GALNTL6: variants seen among roughly 807,000 people sequenced by gnomAD.
GALNTL6 encodes the protein polypeptide N-acetylgalactosaminyltransferase like 6.
In GALNTL6, 46 loss-of-function variants were observed where a neutral mutation model predicts 73.7. That is an observed-to-expected ratio of 0.62 (90% CI 0.49 to 0.80). The LOEUF (loss-of-function observed/expected upper bound fraction) is 0.80. Among genes scored for constraint, GALNTL6 ranks in the 30% least tolerant of loss-of-function variants. The pLI is 0.00. For missense variants in GALNTL6, 604 were observed against 755.0 expected (o/e 0.80, Z 2.34); for synonymous variants, 259 against 263.7 (o/e 0.98, Z 0.17).
intron 2 of GALNTL6, among the ~76,000 whole-genome samples, chr4:171,973,167 T>A (rs1003890914): frequency 1.3e-5 from 2 of 152,184 alleles, no homozygotes; most frequent in Non-Finnish European, 2.9e-5. Flanking sequence ...AAGTGTCAGA[T>A]ATAGTGTTTC....
At chr4:172,869,511 T>C (rs1441400248) in intron 7 of GALNTL6, among the ~76,000 whole-genome samples, 1 of 152,108 alleles carries the variant, frequency 6.6e-6, no homozygotes, top group Admixed American at 6.6e-5. Context: ...AGGTGGGATT[T>C]CTCCACGAGA....
rs1161973873 is a variant in GALNTL6, at chr4:172,071,428, ACC to A, written c.139-158225_139-158224del. Among the ~76,000 whole-genome samples the A allele has an allele frequency of 1.8e-5, 2 of 109,440 alleles. 1 individual carries two copies. The highest frequency in any genetic ancestry group is 4.1e-5 in the Non-Finnish European group (2 of 49,182). The allele number at this position is 109,440 out of a possible 152,430, so 71.8% of individuals were successfully genotyped here. The stretch of plus-strand genomic sequence containing the variant: ...GTTATTAAAACATTATCCTGTCAGA[ACC>A]CCTGTGTCTTACGTTAGCTTGTCTC... On this transcript the variant is annotated intron_variant, in intron 2 of 12. Coordinates refer to ENST00000506823, the MANE Select transcript of GALNTL6 (RefSeq NM_001034845.3).
chr4:172,629,898 A>G (rs1392565146), intron 5 of GALNTL6, among the ~76,000 whole-genome samples: 1 of 152,216 alleles, frequency 6.6e-6, no homozygotes, highest in African/African-American at 2.4e-5. Flanking sequence ...TGCTTGTCAC[A>G]TTAAGAGATC....
chr4:172,927,668 A>G (rs889691856), intron 8 of GALNTL6, among the ~76,000 whole-genome samples: 1 of 152,154 alleles, frequency 6.6e-6, no homozygotes, highest in African/African-American at 2.4e-5. Flanking sequence ...GTTGGTCATC[A>G]GTTAAAACCC....
intron 5 of GALNTL6, among the ~76,000 whole-genome samples, chr4:172,589,806 A>G (rs1312209568): frequency 6.6e-6 from 1 of 152,158 alleles, no homozygotes. Context: ...TTAACTCTGA[A>G]TGACTGTGTG....
chr4:172,860,159 C>G (rs1046868778), intron 7 of GALNTL6, among the ~76,000 whole-genome samples: 1 of 152,104 alleles, frequency 6.6e-6, no homozygotes, highest in African/African-American at 2.4e-5. Context: ...GTGTTTTATG[C>G]TTTATAGGTT....
At chr4:172,606,745 A>G (rs552473746) in intron 5 of GALNTL6, among the ~76,000 whole-genome samples, 6 of 146,316 alleles carry the variant, frequency 4.1e-5, no homozygotes, top group African/African-American at 1.5e-4. Context: ...TGCAGTAGTG[A>G]AGAATGGTGA....
At chr4:171,821,092 G>T (rs913561523) in intron 2 of GALNTL6, among the ~76,000 whole-genome samples, 1 of 152,074 alleles carries the variant, frequency 6.6e-6, no homozygotes. Flanking sequence ...CTAGAGTGCA[G>T]TGGTGCAACT....
intron 7 of GALNTL6, among the ~76,000 whole-genome samples, chr4:172,861,954 T>A (rs1165133864): frequency 6.6e-6 from 1 of 152,138 alleles, no homozygotes; most frequent in Non-Finnish European, 1.5e-5. Context: ...ATATAGTAAA[T>A]TGGTACCGAT....
chr4:172,930,883 G>A (rs1748295383), intron 8 of GALNTL6, among the ~76,000 whole-genome samples: 2 of 152,016 alleles, frequency 1.3e-5, no homozygotes, highest in Admixed American at 6.6e-5. Context: ...CAGGCTGGTC[G>A]TGACCACCTG....
At chr4:173,029,810 C>T (rs1373950285) in intron 12 of GALNTL6, among the ~76,000 whole-genome samples, 1 of 152,184 alleles carries the variant, frequency 6.6e-6, no homozygotes, top group Non-Finnish European at 1.5e-5. Flanking sequence ...ATTATCCCAA[C>T]CTGGATTTAA....
chr4:172,745,357 A>T (rs1737047800), intron 5 of GALNTL6, among the ~76,000 whole-genome samples: 1 of 151,742 alleles, frequency 6.6e-6, no homozygotes, highest in Non-Finnish European at 1.5e-5. Context: ...TATGTTATAC[A>T]TTATGTTATT....
intron 2 of GALNTL6, among the ~76,000 whole-genome samples, chr4:172,108,147 T>A (rs1431312295): frequency 6.6e-6 from 1 of 152,270 alleles, no homozygotes; most frequent in Non-Finnish European, 1.5e-5. Flanking sequence ...TTACAAACTT[T>A]ACTTTAGATA....
intron 5 of GALNTL6, among the ~76,000 whole-genome samples, chr4:172,425,682 T>C (rs1731203575): frequency 6.6e-6 from 1 of 152,020 alleles, no homozygotes; most frequent in African/African-American, 2.4e-5. Flanking sequence ...TGAAAATTGG[T>C]ATGGCAAATA....
At chr4:171,960,399 C>G (rs1050776393) in intron 2 of GALNTL6, among the ~76,000 whole-genome samples, 1 of 151,936 alleles carries the variant, frequency 6.6e-6, no homozygotes, top group African/African-American at 2.4e-5. Flanking sequence ...GTCTCAGCCT[C>G]CCGAGTAACA....
At chr4:173,009,318 G>A in intron 11 of GALNTL6, 24 bp downstream of exon 11, 2 of 1,371,764 alleles carry the variant, frequency 1.5e-6, no homozygotes, top group Non-Finnish European at 2.1e-6. Context: ...CAGAAGCCAG[G>A]GCAGTGGGAA....
At chr4:171,945,447 T>A (rs1738674744) in intron 2 of GALNTL6, among the ~76,000 whole-genome samples, 1 of 152,112 alleles carries the variant, frequency 6.6e-6, no homozygotes, top group Non-Finnish European at 1.5e-5. Context: ...GTGAAGAGTG[T>A]TGTGAAATAC....
intron 2 of GALNTL6, among the ~76,000 whole-genome samples, chr4:171,870,873 C>A (rs1043354470): frequency 6.6e-6 from 1 of 152,144 alleles, no homozygotes; most frequent in African/African-American, 2.4e-5. Flanking sequence ...TCAGAAGCAG[C>A]ATGACCCTGC....
chr4:172,156,378 G>GA (rs1444831113), intron 2 of GALNTL6, among the ~76,000 whole-genome samples: 2 of 151,388 alleles, frequency 1.3e-5, no homozygotes, highest in African/African-American at 2.4e-5. Context: ...AATGCCTGAG[G>GA]AAAAAACTAT....
Sources: gnomAD v4.1 joint callset for allele counts (sites outside exome capture counted in the v4.1 genomes callset) on GRCh38, gnomAD v4.1.1 for gene constraint, MANE v1.5 for transcripts, NCBI Gene and HGNC (gene_info 2026-07-23, HGNC 2026-07-21) for gene names.